RAB11FIP4: variants seen among roughly 807,000 people sequenced by gnomAD.
The protein encoded by RAB11FIP4 is rab11 family-interacting protein 4.
RAB11FIP4 carries 23 observed loss-of-function variants against 74.3 expected under a neutral mutation model. That is an observed-to-expected ratio of 0.31 (90% CI 0.22 to 0.44). The LOEUF (loss-of-function observed/expected upper bound fraction) is 0.44. Ranked by LOEUF, RAB11FIP4 falls within the 20% of genes least tolerant of loss-of-function variation. The probability of loss-of-function intolerance (pLI) is 1.00; values close to 1 mark genes in which losing one functional copy is unlikely to be tolerated. For missense variants in RAB11FIP4, 630 were observed against 863.9 expected, an observed-to-expected ratio of 0.73 and a Z score of 3.39; for synonymous variants, 360 against 359.9, an observed-to-expected ratio of 1.00 and a Z score of 0.00.
intron 1 of RAB11FIP4, among the ~76,000 whole-genome samples, chr17:31,410,316 C>T (rs975249770): frequency 1.3e-5 from 2 of 152,002 alleles, no homozygotes; most frequent in African/African-American, 2.4e-5. Flanking sequence ...ACCACGTGGT[C>T]CCAGGATGAT....
At chr17:31,406,554 T>C (rs768824939) in intron 1 of RAB11FIP4, among the ~76,000 whole-genome samples, 8 of 152,266 alleles carry the variant, frequency 5.3e-5, no homozygotes, top group Non-Finnish European at 1.0e-4. Flanking sequence ...TTAATGTATT[T>C]GTTTCTGCCA....
At chr17:31,419,816 C>G (rs1285776147) in intron 1 of RAB11FIP4, among the ~76,000 whole-genome samples, 5 of 152,128 alleles carry the variant, frequency 3.3e-5, no homozygotes, top group Non-Finnish European at 7.4e-5. Context: ...TCCCAAAGTG[C>G]TGGGATTACA....
intron 5 of RAB11FIP4, 81 bp from the exon 6 acceptor site, chr17:31,521,834 G>A: frequency 1.3e-6 from 2 of 1,562,996 alleles, no homozygotes; most frequent in South Asian, 2.3e-5. Flanking sequence ...GGGGACTCAA[G>A]TAAAGTCAGC....
At position 31,521,217 on chromosome 17, in the gene RAB11FIP4, C is replaced by A; in HGVS notation, c.615C>A (p.Ser205=). 6.2e-7 allele frequency: 1 copy of A among 1,613,718 alleles called. No individual in the cohort carries two copies. The highest frequency in any genetic ancestry group is 8.5e-7 in the Non-Finnish European group (1 of 1,179,776). Residue 205 remains serine, a synonymous_variant, in exon 5 of 15, where the codon TCC becomes TCA. Transcript: ENST00000621161. The part of the protein sequence containing the change: ...SMTTSDLSTH[S]TTSLISNEEQ... ...CGACCTCAGACCTTTCTACACACTC[C>A]ACCACCTCGCTCATCAGCAATGAGG...
At position 31,522,411 on chromosome 17, in the gene RAB11FIP4, AG is replaced by A; in HGVS notation, c.929+19del. 1.2e-6 allele frequency: 2 copies of A among 1,612,670 alleles called. No individual in the cohort carries two copies. Among genetic ancestry groups the A allele is most frequent in the East Asian group, 2.2e-5 (1 of 44,872 alleles). On this transcript the variant is annotated intron_variant, in intron 7 of 14. Transcript: ENST00000621161. Reference sequence around the variant, plus strand: ...CCTTTGGACGGTAAGGCCCGCCTCGAGGGAGGGCAAATTGAGTGCTGTCCCC... The same window carrying A: ...CCTTTGGACGGTAAGGCCCGCCTCGAGGAGGGCAAATTGAGTGCTGTCCCC...
chr17:31,469,631 C>CAAAA (rs11414143), intron 3 of RAB11FIP4, among the ~76,000 whole-genome samples: 4 of 91,726 alleles, frequency 4.4e-5, no homozygotes, highest in African/African-American at 1.3e-4. Flanking sequence ...GACCCTCTCT[C>CAAAA]AAAAAAAAAA....
At chr17:31,438,773 C>T (rs2071383522) in intron 3 of RAB11FIP4, among the ~76,000 whole-genome samples, 1 of 152,124 alleles carries the variant, frequency 6.6e-6, no homozygotes, top group East Asian at 1.9e-4. Context: ...CCTAGGATGT[C>T]CTCCCTCCCG....
intron 3 of RAB11FIP4, among the ~76,000 whole-genome samples, chr17:31,478,047 C>T (rs1030583895): frequency 1.0e-4 from 15 of 144,414 alleles, no homozygotes; most frequent in African/African-American, 3.9e-4. Flanking sequence ...GGCTGGAGTG[C>T]AGTGGCTAGA....
intron 1 of RAB11FIP4, among the ~76,000 whole-genome samples, chr17:31,401,970 C>T (rs1452309740): frequency 1.3e-5 from 2 of 152,160 alleles, no homozygotes; most frequent in Non-Finnish European, 2.9e-5. Context: ...CAACCATCTG[C>T]CTGCCGGTTC....
Position 31,531,982 on chromosome 17 carries a change from G to T in RAB11FIP4, c.*250G>T, listed in dbSNP as rs966713045. The T allele has an allele frequency of 3.2e-5, 14 of 433,608 alleles. No homozygotes were observed. Among genetic ancestry groups the T allele is most frequent in the Non-Finnish European group, 4.6e-5 (11 of 240,614 alleles). 26.9% of individuals were successfully genotyped at this position (433,608 alleles called of 1,614,324 possible). A position where few individuals can be genotyped will look rare whatever the true frequency, so the allele number is the denominator to read the frequency against. ...GTGGCCCCTTTGCAAGGGGCAGAGG[G>T]TACTGGAAGTGGGAGGAGGCAAGGT... On this transcript the variant is annotated 3_prime_UTR_variant, in exon 15 of 15. Transcript: ENST00000621161.
intron 9 of RAB11FIP4, 39 bp from the exon 10 acceptor site, chr17:31,525,051 G>A (rs1260195108): frequency 1.9e-6 from 3 of 1,549,444 alleles, no homozygotes; most frequent in East Asian, 2.4e-5. Context: ...GGGTGAAATG[G>A]TGCAGGCCCC....
intron 3 of RAB11FIP4, among the ~76,000 whole-genome samples, chr17:31,507,612 A>G (rs2343244): frequency 0.64 from 97,296 of 151,866 alleles, 31,266 homozygotes; most frequent in East Asian, 0.68. Context: ...GTCCTTTTGG[A>G]TGATTCAAGC....
chr17:31,523,396 C>A, intron 7 of RAB11FIP4, 116 bp from the exon 8 acceptor site: 1 of 806,822 alleles, frequency 1.2e-6, no homozygotes, highest in Non-Finnish European at 2.2e-6. Context: ...GTGAGGGCAG[C>A]CTCCTTAAAG....
At chr17:31,475,282 A>G (rs1167066440) in intron 3 of RAB11FIP4, among the ~76,000 whole-genome samples, 1 of 152,080 alleles carries the variant, frequency 6.6e-6, no homozygotes, top group South Asian at 2.1e-4. Context: ...AGAAGACAAG[A>G]AGAGAGGAGA....
intron 1 of RAB11FIP4, among the ~76,000 whole-genome samples, chr17:31,405,996 T>C (rs969927839): frequency 3.9e-5 from 6 of 152,024 alleles, no homozygotes; most frequent in African/African-American, 1.4e-4. Context: ...GCACTAATAG[T>C]GCAGACACTC....
chr17:31,475,463 C>T (rs545210672), intron 3 of RAB11FIP4, among the ~76,000 whole-genome samples: 22 of 152,234 alleles, frequency 1.4e-4, no homozygotes, highest in Non-Finnish European at 2.6e-4. Context: ...GCTGTTGCTA[C>T]GCTTAAGCAT....
At chr17:31,489,242 G>T (rs929883986) in intron 3 of RAB11FIP4, among the ~76,000 whole-genome samples, 1 of 152,202 alleles carries the variant, frequency 6.6e-6, no homozygotes, top group Non-Finnish European at 1.5e-5. Flanking sequence ...GGTGGCATTG[G>T]CTTGGGCTTC....
At chr17:31,428,898 T>C (rs2071279092) in intron 1 of RAB11FIP4, among the ~76,000 whole-genome samples, 1 of 152,094 alleles carries the variant, frequency 6.6e-6, no homozygotes, top group Non-Finnish European at 1.5e-5. Flanking sequence ...TCTATGATCA[T>C]GCCACTGCAC....
intron 14 of RAB11FIP4, among the ~76,000 whole-genome samples, chr17:31,531,372 A>C (rs2072868977): frequency 1.3e-5 from 2 of 152,032 alleles, no homozygotes; most frequent in Non-Finnish European, 2.9e-5. Context: ...CCCTCTACAA[A>C]CTGATCACAT....
Sources: gnomAD v4.1 joint callset for allele counts (sites outside exome capture counted in the v4.1 genomes callset) on GRCh38, gnomAD v4.1.1 for gene constraint, MANE v1.5 for transcripts, NCBI Gene and HGNC (gene_info 2026-07-23, HGNC 2026-07-21) for gene names.